MAP4K4: variants seen among roughly 807,000 people sequenced by gnomAD.
MAP4K4 encodes the protein mitogen-activated protein kinase kinase kinase kinase 4, also known as HPK/GCK-like kinase HGK.
In MAP4K4, 38 loss-of-function variants were observed where a neutral mutation model predicts 189.6. The ratio of observed to expected loss-of-function variants is 0.20; its 90% CI spans 0.15 to 0.26. The LOEUF (loss-of-function observed/expected upper bound fraction) is 0.26, where lower values mean the gene tolerates loss of function less well. Ranked by LOEUF, MAP4K4 falls within the 10% of genes least tolerant of loss-of-function variation. The pLI is 1.00. For missense variants in MAP4K4, 1,054 were observed against 1,726.9 expected (o/e 0.61, Z 6.91); for synonymous variants, 610 against 624.3 (o/e 0.98, Z 0.34).
rs1176044707 is a variant in MAP4K4, at chr2:101,858,987, G to T, written c.1396-9G>T. ...ATAATTTGATTGCTGGGTGATTTCT[G>T]TGTGACAGGAGTATATCAGGCGACA... On this transcript the variant is annotated splice_polypyrimidine_tract_variant and intron_variant, in intron 13 of 32. Transcript: ENST00000324219. The T allele has an allele frequency of 6.2e-7, 1 of 1,602,848 alleles. No homozygotes were observed. Among genetic ancestry groups the T allele is most frequent in the South Asian group, 1.1e-5 (1 of 89,426 alleles).
Position 101,799,532 on chromosome 2 carries a change from A to G in MAP4K4, c.180+8756A>G, listed in dbSNP as rs545540913. Among the ~76,000 whole-genome samples the G allele has an allele frequency of 2.0e-5, 3 of 150,508 alleles. No homozygotes were observed. The South Asian group carries it at 6.3e-4, about 32-fold the overall frequency. ...ACAGCCATCACTGTTTGGTCCTTTG[A>G]TAACTACCTTTGCCCTGTGAACTGT... On this transcript the variant is annotated intron_variant, in intron 3 of 32. Coordinates refer to ENST00000324219, the Ensembl canonical transcript of MAP4K4.
At chr2:101,839,775 A>G in intron 9 of MAP4K4, 44 bp from the exon 10 acceptor site, 1 of 1,450,758 alleles carries the variant, frequency 6.9e-7, no homozygotes, top group Admixed American at 2.6e-5. Flanking sequence ...TTCGATCTTT[A>G]CTCTTTGTGG....
At chr2:101,888,064 A>C (rs892854409) in intron 31 of MAP4K4, 127 bp downstream of exon 31, 2 of 717,622 alleles carry the variant, frequency 2.8e-6, no homozygotes, top group African/African-American at 3.6e-5. Flanking sequence ...AGTAGTTGGC[A>C]GTAGATGGTG....
intron 20 of MAP4K4, 171 bp from the exon 21 acceptor site, chr2:101,867,858 A>G (rs1018961350): frequency 4.6e-6 from 3 of 647,896 alleles, no homozygotes; most frequent in Non-Finnish European, 5.6e-6. Context: ...TTACCTGACC[A>G]TGTAATTGTG....
At chr2:101,863,862 C>T (rs777094105) in exon 17 of MAP4K4, 3 of 1,367,674 alleles carry the variant, frequency 2.2e-6, no homozygotes, top group Non-Finnish European at 2.9e-6. Flanking sequence ...ACAATGTTTC[C>T]CCTGTCTCGC....
intron 2 of MAP4K4, among the ~76,000 whole-genome samples, chr2:101,771,719 T>C (rs925844299): frequency 6.6e-6 from 1 of 152,212 alleles, no homozygotes; most frequent in African/African-American, 2.4e-5. Context: ...TGAGGCCAGA[T>C]TGATCTTTGC....
At chr2:101,855,186 G>C (rs375153469) in intron 12 of MAP4K4, among the ~76,000 whole-genome samples, 1 of 152,212 alleles carries the variant, frequency 6.6e-6, no homozygotes, top group Admixed American at 6.5e-5. Context: ...TGGTGATTCA[G>C]TAGCACCTTT....
At chr2:101,885,412 A>G (rs1156471249) in intron 29 of MAP4K4, 125 bp downstream of exon 29, 2 of 557,640 alleles carry the variant, frequency 3.6e-6, no homozygotes, top group Non-Finnish European at 3.2e-6. Flanking sequence ...CTAATATAGC[A>G]TATAACTTTA....
intron 2 of MAP4K4, among the ~76,000 whole-genome samples, chr2:101,708,056 C>G (rs1031538541): frequency 6.6e-6 from 1 of 152,048 alleles, no homozygotes; most frequent in African/African-American, 2.4e-5. Flanking sequence ...CCATCTTGCC[C>G]AGGTTACTGG....
At chr2:101,884,514 C>T (rs111468812) in intron 28 of MAP4K4, among the ~76,000 whole-genome samples, 2,420 of 152,250 alleles carry the variant, frequency 0.016, 25 homozygotes, top group Non-Finnish European at 0.027. Flanking sequence ...AATCAAGTAG[C>T]GGTGTGATGT....
chr2:101,721,358 A>G (rs568272021), intron 2 of MAP4K4, among the ~76,000 whole-genome samples: 1 of 151,870 alleles, frequency 6.6e-6, no homozygotes, highest in African/African-American at 2.4e-5. Context: ...AAGGAGGGAT[A>G]GCTGATTGGG....
chr2:101,868,043 C>T lies in MAP4K4; in HGVS notation c.2463+6C>T, dbSNP rs370950085. On this transcript the variant is annotated splice_donor_region_variant and intron_variant, in intron 21 of 32. Coordinates refer to ENST00000324219, the Ensembl canonical transcript of MAP4K4. ...CTGTACTGAAGGGCGAAGTGGTAAG[C>T]GCCATCTCTGAAAAGTTCCACTTCA... The T allele has an allele frequency of 1.2e-5, 19 of 1,612,006 alleles. No individual in the cohort carries two copies. The highest frequency in any genetic ancestry group is 6.7e-5 in the East Asian group (3 of 44,846).
At chr2:101,867,416 A>C (rs1038870680) in intron 20 of MAP4K4, 107 bp downstream of exon 20, 22 of 783,516 alleles carry the variant, frequency 2.8e-5, no homozygotes, top group Non-Finnish European at 3.8e-5. Context: ...AGGGCCCCTC[A>C]CAGATTTGAG....
At chr2:101,735,039 G>T (rs1374762528) in intron 2 of MAP4K4, among the ~76,000 whole-genome samples, 1 of 150,106 alleles carries the variant, frequency 6.7e-6, no homozygotes, top group Non-Finnish European at 1.5e-5. Context: ...GTACTACCTC[G>T]CCTCTCACTG....
chr2:101,839,333 T>G (rs1372641977), intron 9 of MAP4K4, among the ~76,000 whole-genome samples: 1 of 152,262 alleles, frequency 6.6e-6, no homozygotes, highest in Non-Finnish European at 1.5e-5. Flanking sequence ...TCAACCAGTT[T>G]GGAACTCCGG....
chr2:101,701,116 G>T (rs898893833), intron 2 of MAP4K4, among the ~76,000 whole-genome samples: 2 of 151,646 alleles, frequency 1.3e-5, no homozygotes, highest in Admixed American at 6.6e-5. Flanking sequence ...CATAATTTCA[G>T]GTAAAAAAAA....
chr2:101,711,301 GTT>G (rs986519967), intron 2 of MAP4K4, among the ~76,000 whole-genome samples: 3 of 152,060 alleles, frequency 2.0e-5, no homozygotes, highest in Admixed American at 2.0e-4. Context: ...AAAAGATAAA[GTT>G]TTTTTGCTTT....
chr2:101,732,844 C>T (rs2059054137), intron 2 of MAP4K4, among the ~76,000 whole-genome samples: 1 of 152,254 alleles, frequency 6.6e-6, no homozygotes, highest in Non-Finnish European at 1.5e-5. Context: ...GCCTCGGCCT[C>T]CCGAAGTGTT....
intron 7 of MAP4K4, among the ~76,000 whole-genome samples, chr2:101,833,257 C>A (rs907731809): frequency 1.3e-5 from 2 of 152,114 alleles, no homozygotes; most frequent in African/African-American, 4.8e-5. Context: ...AGCATATAAA[C>A]AAATACATAG....
Sources: allele counts gnomAD v4.1 joint callset (sites outside exome capture counted in the v4.1 genomes callset), GRCh38; gene constraint gnomAD v4.1.1; transcripts MANE v1.5; gene names NCBI Gene and HGNC (gene_info 2026-07-23, HGNC 2026-07-21).